The following IFITM10 variants were observed in gnomAD, a reference collection of about 807,000 sequenced individuals.
IFITM10 encodes interferon induced transmembrane protein 10, also known as interferon-induced transmembrane protein 10.
In IFITM10, 17 loss-of-function variants were observed where a neutral mutation model predicts 19.0. That is an observed-to-expected ratio of 0.90 (90% confidence interval 0.61 to 1.34). The LOEUF is 1.34. IFITM10 is among the 40% of genes most tolerant of loss of function. The pLI is 0.00. For missense variants in IFITM10, 306 were observed against 319.8 expected (o/e 0.96, Z 0.33); for synonymous variants, 148 against 147.2 (o/e 1.01, Z -0.04).
chr11:1,735,528 C>T (rs1438908293), intron 2 of IFITM10, 99 bp from the exon 3 acceptor site: 6 of 1,066,762 alleles, frequency 5.6e-6, no homozygotes, highest in Non-Finnish European at 6.7e-6. Context: ...GTGCTCAGCA[C>T]AGTACCAGTG....
intron 2 of IFITM10, among the ~76,000 whole-genome samples, chr11:1,736,333 AGACTG>A (rs1404269332): frequency 6.6e-6 from 1 of 152,196 alleles, no homozygotes; most frequent in African/African-American, 2.4e-5. Flanking sequence ...CTAGGTCGGA[AGACTG>A]GATGGACAGA....
chr11:1,747,600 C>T, intron 2 of IFITM10, 67 bp downstream of exon 2: 9 of 1,422,072 alleles, frequency 6.3e-6, no homozygotes, highest in Non-Finnish European at 8.7e-6. Context: ...GCGCCCACAG[C>T]CAGGGACTGT....
At chr11:1,738,371 C>T (rs1449877687) in intron 2 of IFITM10, among the ~76,000 whole-genome samples, 1 of 152,178 alleles carries the variant, frequency 6.6e-6, no homozygotes, top group Non-Finnish European at 1.5e-5. Context: ...GTGCCTATGG[C>T]TTTCCTGCCA....
chr11:1,748,988 G>A (rs1325024127), intron 1 of IFITM10: 3 of 1,000,654 alleles, frequency 3.0e-6, no homozygotes, highest in South Asian at 2.7e-5. Flanking sequence ...CGGGTCTGCC[G>A]CAGCCCCCCG....
At chr11:1,749,041 C>G (rs756560743) in intron 1 of IFITM10, 1 of 1,104,898 alleles carries the variant, frequency 9.1e-7, no homozygotes, top group South Asian at 1.9e-5. Context: ...GGCGCGCGGC[C>G]GGACCCCCTG....
At position 1,747,602 on chromosome 11, in the gene IFITM10, A is replaced by AGG. The variant is rs1845665679; in HGVS notation, c.537+63_537+64dup. The AGG allele has an allele frequency of 6.3e-6, 9 of 1,426,638 alleles. No individual in the cohort carries two copies. In the South Asian group the frequency reaches 1.1e-4, roughly 18 times the overall value. 88.4% of individuals were successfully genotyped at this position (1,426,638 alleles called of 1,614,324 possible). On this transcript the variant is annotated intron_variant, in intron 2 of 2. Transcript: ENST00000340134. Reference sequence around the variant, plus strand: ...GGAGAGGGGCCGAGCGCCCACAGCCAGGGACTGTCCTGCCGGCACCACCTC... The same window carrying AGG: ...GGAGAGGGGCCGAGCGCCCACAGCCAGGGGGACTGTCCTGCCGGCACCACCTC...
At chr11:1,750,187 G>A (rs867640175) in intron 1 of IFITM10, 172 bp downstream of exon 1, 3 of 704,448 alleles carry the variant, frequency 4.3e-6, no homozygotes, top group Non-Finnish European at 5.2e-6. Context: ...AGCCGCCTCC[G>A]CTACCCCACC....
rs542595962 is a variant in IFITM10, at chr11:1,738,735, A to G, written c.538-3306T>C. 3.9e-5 allele frequency among the ~76,000 whole-genome samples: 6 copies of G among 152,256 alleles called. No homozygotes were observed. The East Asian group carries it at 5.8e-4, about 15-fold the overall frequency. On this transcript the variant is annotated intron_variant, in intron 2 of 2. Coordinates refer to ENST00000340134, the MANE Select transcript of IFITM10 (RefSeq NM_001170820.4). ...GACATGTGTTGAAGGTGGAGCTGAC[A>G]GTGTTTGCTGGGATCAGGCTTGCAG... is the stretch of plus-strand genomic sequence containing the variant.
At chr11:1,737,038 G>A (rs765513540) in intron 2 of IFITM10, among the ~76,000 whole-genome samples, 22 of 152,162 alleles carry the variant, frequency 1.4e-4, no homozygotes, top group Non-Finnish European at 2.6e-4. Flanking sequence ...TGCTCTTATC[G>A]GGTTCTTATG....
At chr11:1,746,759 C>A (rs1019678427) in intron 2 of IFITM10, 4 of 398,848 alleles carry the variant, frequency 1.0e-5, no homozygotes, top group Non-Finnish European at 1.8e-5. Flanking sequence ...AGGGCAGCTG[C>A]ATTGGTGGAG....
chr11:1,747,105 G>A (rs916966003), intron 2 of IFITM10, among the ~76,000 whole-genome samples: 3 of 152,132 alleles, frequency 2.0e-5, no homozygotes, highest in South Asian at 4.1e-4. Context: ...TGCAGGACCT[G>A]TTTACACCCC....
chr11:1,738,234 T>C (rs1016061850), intron 2 of IFITM10, among the ~76,000 whole-genome samples: 12 of 152,132 alleles, frequency 7.9e-5, no homozygotes, highest in African/African-American at 2.4e-4. Flanking sequence ...ACAATGCTTC[T>C]TGATGTACAA....
chr11:1,738,072 G>C (rs934813881), intron 2 of IFITM10, among the ~76,000 whole-genome samples: 2 of 152,086 alleles, frequency 1.3e-5, no homozygotes, highest in African/African-American at 4.8e-5. Flanking sequence ...CGGGAAGGTG[G>C]GTGGATGAAG....
rs2292959 is a variant in IFITM10 at position 1,734,741 on chromosome 11, A to C, written c.*539T>G. On this transcript the variant is annotated 3_prime_UTR_variant, in exon 3 of 3. Coordinates refer to ENST00000340134, the MANE Select transcript of IFITM10 (RefSeq NM_001170820.4). The stretch of plus-strand genomic sequence containing the variant: ...ACCGCCAGGCAGTTCCTGAGGGAGG[A>C]TTGCAAAGCCTCCAGACTTCTCCAG... The C allele has an allele frequency of 0.27, 40,656 of 152,848 alleles. 7,585 individuals carry two copies. Among genetic ancestry groups the C allele is most frequent in the African/African-American group, 0.53 (21,987 of 41,452 alleles). The allele number at this position is 152,848 out of a possible 1,614,324, so 9.5% of individuals were successfully genotyped here. A position where few individuals can be genotyped will look rare whatever the true frequency, so the allele number is the denominator to read the frequency against.
In IFITM10 at chr11:1,747,447, G is replaced by A. The variant is rs191389435; in HGVS notation, c.537+220C>T. ...CCCTGATGGCTCAGGAGAGGGAAGG[G>A]CAGACCCCTGCCCGCCCAGACCTAG... On this transcript the variant is annotated intron_variant, in intron 2 of 2. Transcript: ENST00000340134. Among the ~76,000 whole-genome samples the A allele has an allele frequency of 6.0e-4, 91 of 152,252 alleles. 1 individual carries two copies. The East Asian group carries it at 0.016, about 26-fold the overall frequency.
At chr11:1,736,882 G>T (rs578056996) in intron 2 of IFITM10, among the ~76,000 whole-genome samples, 8 of 152,046 alleles carry the variant, frequency 5.3e-5, no homozygotes, top group Admixed American at 5.3e-4. Context: ...GAGAGGGAAG[G>T]GAAGGGAGGG....
In IFITM10 at chr11:1,746,411, A is replaced by T. The variant is rs529433046; in HGVS notation, c.537+1256T>A. ...ACACAATGCATTCACATGCACACAT[A>T]GTTACACTCACAGTACATGCCCACT... On this transcript the variant is annotated intron_variant, in intron 2 of 2. Coordinates refer to ENST00000340134, the MANE Select transcript of IFITM10 (RefSeq NM_001170820.4). The T allele has an allele frequency of 2.6e-5, 8 of 308,708 alleles. No homozygotes were observed. The African/African-American group carries it at 4.4e-4, about 17-fold the overall frequency. The allele number at this position is 308,708 out of a possible 1,614,324, so 19.1% of individuals were successfully genotyped here.
intron 2 of IFITM10, among the ~76,000 whole-genome samples, chr11:1,742,344 A>G (rs1295565433): frequency 6.6e-6 from 1 of 152,220 alleles, no homozygotes; most frequent in East Asian, 1.9e-4. Context: ...AAGTGGGGCA[A>G]AAGAAAGGAA....
intron 2 of IFITM10, among the ~76,000 whole-genome samples, chr11:1,747,229 C>T (rs1845661263): frequency 6.6e-6 from 1 of 152,148 alleles, no homozygotes; most frequent in African/African-American, 2.4e-5. Context: ...AAGGTGGCCC[C>T]TCTTCCTTTC....
Sources: gnomAD v4.1 joint callset for allele counts (sites outside exome capture counted in the v4.1 genomes callset) on GRCh38, gnomAD v4.1.1 for gene constraint, MANE v1.5 for transcripts, NCBI Gene and HGNC (gene_info 2026-07-23, HGNC 2026-07-21) for gene names.